Variants in KCMF1 observed in about 807,000 individuals in gnomAD.
The protein encoded by KCMF1 is E3 ubiquitin-protein ligase KCMF1.
A neutral mutation model predicts 41.1 loss-of-function variants in KCMF1; 3 were observed. The ratio of observed to expected loss-of-function variants is 0.07; its 90% CI spans 0.03 to 0.19. The LOEUF (loss-of-function observed/expected upper bound fraction) is 0.19, where lower values mean the gene tolerates loss of function less well. KCMF1 is among the 10% of genes least tolerant of loss of function. The pLI, the probability that KCMF1 is intolerant of heterozygous loss-of-function variation, is 1.00. For missense variants in KCMF1, 286 were observed against 488.9 expected, an observed-to-expected ratio of 0.58 and a Z score of 3.91; for synonymous variants, 142 against 164.5, an observed-to-expected ratio of 0.86 and a Z score of 1.04.
intron 5 of KCMF1, among the ~76,000 whole-genome samples, chr2:85,048,930 T>C (rs1675737403): frequency 6.6e-6 from 1 of 152,180 alleles, no homozygotes; most frequent in African/African-American, 2.4e-5. Context: ...CAGTAAATGT[T>C]TGAATTCCTG....
intron 1 of KCMF1, among the ~76,000 whole-genome samples, chr2:85,003,996 T>C (rs1029539220): frequency 1.3e-5 from 2 of 152,158 alleles, no homozygotes; most frequent in African/African-American, 4.8e-5. Flanking sequence ...CTATGTATCC[T>C]GTTATTCATC....
At position 85,056,939 on chromosome 2, in the gene KCMF1, G is replaced by A. The variant is rs191309421; in HGVS notation, c.*3530G>A. ...CACGCCTGTAATCCCAGCACTTTGC[G>A]AGGCCGAGGCGGGTGGATCACGAGG... On this transcript the variant is annotated 3_prime_UTR_variant, in exon 7 of 7. Transcript: ENST00000409785. 1 of 152,232 alleles carries A rather than the reference G, an allele frequency of 6.6e-6. No individual in the cohort carries two copies. The highest frequency in any genetic ancestry group is 1.5e-5 in the Non-Finnish European group (1 of 68,072). The allele number at this position is 152,232 out of a possible 1,614,324, so 9.4% of individuals were successfully genotyped here.
intron 3 of KCMF1, among the ~76,000 whole-genome samples, chr2:85,042,970 C>T (rs1476310567): frequency 1.3e-5 from 2 of 152,194 alleles, no homozygotes; most frequent in Non-Finnish European, 2.9e-5. Flanking sequence ...TTCTGGCCTA[C>T]CACCCCATTT....
At chr2:85,024,583 A>AGTGTGT (rs71390042) in intron 1 of KCMF1, among the ~76,000 whole-genome samples, 2 of 124,220 alleles carry the variant, frequency 1.6e-5, no homozygotes, top group Non-Finnish European at 1.7e-5. Flanking sequence ...AGAGAGAGAG[A>AGTGTGT]GTGTGTGTGT....
rs748924690 is a variant in KCMF1, at chr2:85,053,201, G to A, written c.938G>A (p.Arg313His). Residue 313 changes from arginine (R) to histidine (H), a missense_variant, in exon 7 of 7, where the codon CGT becomes CAT. Arg to His is a conservative substitution (Grantham distance 29). This residue lies in a region of KCMF1 where 191 missense variants were observed against 279.3 expected (regional missense o/e 0.68). Transcript: ENST00000409785. ...GAGCGCCAGTCCATGGAAAGCGAGC[G>A]TGCAGACCGCAGCCTGTTTGTCCAA... ...ETERQSMESE[R>H]ADRSLFVQEL... 1.1e-5 allele frequency: 18 copies of A among 1,613,818 alleles called. No homozygotes were observed. Among genetic ancestry groups the A allele is most frequent in the East Asian group, 4.5e-5 (2 of 44,900 alleles).
At chr2:85,024,300 C>G (rs997180458) in intron 1 of KCMF1, among the ~76,000 whole-genome samples, 2 of 152,118 alleles carry the variant, frequency 1.3e-5, no homozygotes, top group African/African-American at 2.4e-5. Flanking sequence ...TGGTGAAACC[C>G]CGTCTCTACT....
intron 2 of KCMF1, among the ~76,000 whole-genome samples, chr2:85,030,687 C>T (rs897311064): frequency 2.0e-5 from 3 of 152,058 alleles, no homozygotes; most frequent in Admixed American, 2.0e-4. Context: ...TCACATTGAT[C>T]TATATGCCTG....
intron 1 of KCMF1, among the ~76,000 whole-genome samples, chr2:85,011,635 T>G (rs574172977): frequency 6.6e-6 from 1 of 152,146 alleles, no homozygotes; most frequent in African/African-American, 2.4e-5. Flanking sequence ...GACGCTAGTA[T>G]TGGAGCTCTG....
intron 1 of KCMF1, among the ~76,000 whole-genome samples, chr2:85,012,333 T>C (rs1674672886): frequency 6.6e-6 from 1 of 152,226 alleles, no homozygotes; most frequent in Non-Finnish European, 1.5e-5. Flanking sequence ...TGTGTTGCAT[T>C]TCAGTCATTC....
rs1676004414 is a variant in KCMF1, at chr2:85,058,977, T to G, written c.*5568T>G. ...CCCTGTATATAAGGTTTTCTTGAGG[T>G]AGATGCAGCAATATTCCTGGGGTAA... On this transcript the variant is annotated 3_prime_UTR_variant, in exon 7 of 7. Transcript: ENST00000409785. 3.9e-5 allele frequency: 6 copies of G among 152,174 alleles called. No individual in the cohort carries two copies. The highest frequency in any genetic ancestry group is 3.3e-4 in the Admixed American group (5 of 15,284). The allele number at this position is 152,174 out of a possible 1,614,324, so 9.4% of individuals were successfully genotyped here.
intron 1 of KCMF1, among the ~76,000 whole-genome samples, chr2:85,007,196 C>G (rs146690274): frequency 6.6e-6 from 1 of 151,858 alleles, no homozygotes; most frequent in Non-Finnish European, 1.5e-5. Context: ...TTCCCTTTCT[C>G]TGCAGGTTTA....
At chr2:84,971,498 TCCCGGGCCTCGGCCTACCCCG>T (rs762014929) in intron 1 of KCMF1, 31 bp downstream of exon 1, 2 of 1,187,170 alleles carry the variant, frequency 1.7e-6, no homozygotes, top group East Asian at 9.2e-5. Context: ...CACCCGCACC[TCCCGGGCCTCGGCCTACCCCG>T]CCCGGGCCGG....
chr2:85,051,674 A>G (rs1213511415), intron 6 of KCMF1, among the ~76,000 whole-genome samples: 1 of 152,162 alleles, frequency 6.6e-6, no homozygotes, highest in East Asian at 1.9e-4. Flanking sequence ...ATTTAAGGCA[A>G]TATTTCCCCA....
chr2:85,038,340 T>G (rs1675448803), intron 3 of KCMF1, among the ~76,000 whole-genome samples: 6 of 152,214 alleles, frequency 3.9e-5, no homozygotes, highest in Admixed American at 3.9e-4. Context: ...TTATTTATAT[T>G]GGCAAAATGG....
At position 85,024,031 on chromosome 2, in the gene KCMF1, T is replaced by G. The variant is rs147152213; in HGVS notation, c.17-3858T>G. 9.1e-3 allele frequency among the ~76,000 whole-genome samples: 1,392 copies of G among 152,336 alleles called. 9 individuals carry two copies. Among genetic ancestry groups the G allele is most frequent in the Non-Finnish European group, 0.013 (860 of 68,026 alleles). On this transcript the variant is annotated intron_variant, in intron 1 of 6. Coordinates refer to ENST00000409785, the MANE Select transcript of KCMF1 (RefSeq NM_020122.5). Reference sequence around the variant, plus strand: ...GTTCTTTGAGTGCCCTTTGACAGGTTTCTCCATTTTTCTACTAAGCATTCA... The same window carrying G: ...GTTCTTTGAGTGCCCTTTGACAGGTGTCTCCATTTTTCTACTAAGCATTCA...
At chr2:85,028,637 G>A (rs750664321) in intron 2 of KCMF1, among the ~76,000 whole-genome samples, 34 of 151,686 alleles carry the variant, frequency 2.2e-4, no homozygotes, top group Non-Finnish European at 4.0e-4. Context: ...TTACAGGCGT[G>A]CACCACCATG....
At chr2:85,039,948 G>T (rs1427701162) in intron 3 of KCMF1, among the ~76,000 whole-genome samples, 3 of 152,116 alleles carry the variant, frequency 2.0e-5, no homozygotes, top group Non-Finnish European at 4.4e-5. Flanking sequence ...GAGTAGCTGG[G>T]ATTACAGGCA....
At position 85,059,436 on chromosome 2, in the gene KCMF1, A is replaced by G. The variant is rs1204529712; in HGVS notation, c.*6027A>G. 1 of 152,190 alleles carries G rather than the reference A, an allele frequency of 6.6e-6. No homozygotes were observed. Among genetic ancestry groups the G allele is most frequent in the East Asian group, 1.9e-4 (1 of 5,196 alleles). 9.4% of individuals were successfully genotyped at this position (152,190 alleles called of 1,614,324 possible). A position where few individuals can be genotyped will look rare whatever the true frequency, so the allele number is the denominator to read the frequency against. ...AACATCACCACCTGTCATGAAGCTT[A>G]TCTGTTTTCTGATTTGAATAAACTT... On this transcript the variant is annotated 3_prime_UTR_variant, in exon 7 of 7. Coordinates refer to ENST00000409785, the MANE Select transcript of KCMF1 (RefSeq NM_020122.5).
chr2:84,997,158 A>G (rs1468426553), intron 1 of KCMF1, among the ~76,000 whole-genome samples: 1 of 152,152 alleles, frequency 6.6e-6, no homozygotes, highest in African/African-American at 2.4e-5. Context: ...ACTCAGTCAT[A>G]GAACAGGTTT....
Sources: gnomAD v4.1 joint callset for allele counts (sites outside exome capture counted in the v4.1 genomes callset) on GRCh38, gnomAD v4.1.1 for gene constraint, gnomAD v4.1.1 regional missense constraint, MANE v1.5 for transcripts, NCBI Gene and HGNC (gene_info 2026-07-23, HGNC 2026-07-21) for gene names.